SLC9A9: variants seen among roughly 807,000 people sequenced by gnomAD.
SLC9A9 encodes solute carrier family 9 member A9, also known as sodium/hydrogen exchanger 9.
A neutral mutation model predicts 77.8 loss-of-function variants in SLC9A9; 62 were observed. The observed-to-expected ratio is 0.80, with a 90% confidence interval of 0.65 to 0.98. SLC9A9 has a LOEUF of 0.98. SLC9A9 is among the 50% of genes least tolerant of loss of function. SLC9A9 has a pLI of 0.00. For synonymous variants in SLC9A9, 320 were observed against 283.5 expected (o/e 1.13, Z -1.29); for missense variants, 775 against 774.9 (o/e 1.00, Z 0.00).
rs370086208 is a variant in SLC9A9 at position 143,406,844 on chromosome 3, C to T, written c.1470-24730G>A. Among the ~76,000 whole-genome samples, 13 of 151,900 alleles carry T rather than the reference C, an allele frequency of 8.6e-5. No homozygotes were observed. The South Asian group carries it at 1.5e-3, about 17-fold the overall frequency. On this transcript the variant is annotated intron_variant, in intron 12 of 15. Transcript: ENST00000316549. ...CACAAAAGTTAGCCAGGCATGGTGG[C>T]GCATGCCTGTAACCCCAGCTACTTG...
At chr3:143,486,678 T>A (rs1229293357) in intron 11 of SLC9A9, among the ~76,000 whole-genome samples, 5 of 152,074 alleles carry the variant, frequency 3.3e-5, no homozygotes. Context: ...AGAGTTATTG[T>A]ATGTTTTTCA....
chr3:143,649,656 A>C (rs562205535), intron 6 of SLC9A9, among the ~76,000 whole-genome samples: 1 of 152,346 alleles, frequency 6.6e-6, no homozygotes, highest in East Asian at 1.9e-4. Flanking sequence ...AAGTGTAAAA[A>C]TACTAAAACT....
At chr3:143,552,550 G>A in intron 8 of SLC9A9, 100 bp from the exon 9 acceptor site, 2 of 932,136 alleles carry the variant, frequency 2.1e-6, no homozygotes, top group Non-Finnish European at 3.4e-6. Flanking sequence ...GGTGTCAGTA[G>A]AGTTAAAACT....
intron 12 of SLC9A9, among the ~76,000 whole-genome samples, chr3:143,466,103 G>C (rs1468482239): frequency 6.6e-6 from 1 of 152,146 alleles, no homozygotes; most frequent in Non-Finnish European, 1.5e-5. Context: ...CACTATACTA[G>C]GTGCTGTAAT....
chr3:143,509,972 T>G (rs1365247677), intron 9 of SLC9A9, among the ~76,000 whole-genome samples: 1 of 152,192 alleles, frequency 6.6e-6, no homozygotes, highest in Non-Finnish European at 1.5e-5. Context: ...TTCCACCACA[T>G]GAATTTTATG....
chr3:143,575,663 T>G (rs1379506939), intron 7 of SLC9A9, among the ~76,000 whole-genome samples: 1 of 152,210 alleles, frequency 6.6e-6, no homozygotes, highest in Non-Finnish European at 1.5e-5. Flanking sequence ...TAGTGAGGTC[T>G]GTTCTCCTGA....
intron 4 of SLC9A9, among the ~76,000 whole-genome samples, chr3:143,746,291 C>T (rs1013662224): frequency 1.3e-5 from 2 of 152,182 alleles, no homozygotes; most frequent in African/African-American, 4.8e-5. Context: ...GAAAGGCCGG[C>T]AGTTCATTTA....
At chr3:143,606,436 C>CTCTCTATATATATA (rs1419410834) in intron 6 of SLC9A9, among the ~76,000 whole-genome samples, 201 of 54,170 alleles carry the variant, frequency 3.7e-3, no homozygotes, top group East Asian at 4.4e-3. Context: ...CTCTCTCTCT[C>CTCTCTATATATATA]TATATATATA....
chr3:143,455,161 T>C (rs1326950067), intron 12 of SLC9A9, among the ~76,000 whole-genome samples: 2 of 152,210 alleles, frequency 1.3e-5, no homozygotes, highest in Non-Finnish European at 2.9e-5. Flanking sequence ...TCTAATACCA[T>C]TTGCTGAAAA....
At chr3:143,720,534 T>C (rs76817677) in intron 4 of SLC9A9, among the ~76,000 whole-genome samples, 5,224 of 152,260 alleles carry the variant, frequency 0.034, 291 homozygotes, top group African/African-American at 0.12. Flanking sequence ...TTTCATTCCA[T>C]CCAGGTGTAC....
At position 143,693,201 on chromosome 3, in the gene SLC9A9, T is replaced by G; in HGVS notation, c.640A>C (p.Thr214Pro). The G allele has an allele frequency of 6.2e-7, 1 of 1,611,758 alleles. No individual in the cohort carries two copies. Among genetic ancestry groups the G allele is most frequent in the Non-Finnish European group, 8.5e-7 (1 of 1,178,226 alleles). ...TTATTTGAGCAATTACCTGGATCTGTAGCAGACATCAGTGAACCAAAAAAT... is the reference window on the plus strand; with the variant it reads ...TTATTTGAGCAATTACCTGGATCTGGAGCAGACATCAGTGAACCAAAAAAT... ...CLFFGSLMSA[T>P]DPVTVLAIFH... The change falls in exon 5 of 16, where the codon ACA becomes CCA. Residue 214 changes from threonine to proline, a missense_variant. By Grantham distance (38) the Thr-to-Pro change is conservative. Transcript: ENST00000316549.
chr3:143,320,372 G>A (rs1291881768), intron 14 of SLC9A9, among the ~76,000 whole-genome samples: 1 of 152,208 alleles, frequency 6.6e-6, no homozygotes, highest in Non-Finnish European at 1.5e-5. Flanking sequence ...GTTGAATTAT[G>A]TGTTAGTCTT....
chr3:143,367,263 T>C (rs894854832), intron 13 of SLC9A9, among the ~76,000 whole-genome samples: 2 of 152,214 alleles, frequency 1.3e-5, no homozygotes, highest in African/African-American at 4.8e-5. Context: ...CTTCATTTCA[T>C]GTGGGTGACT....
At chr3:143,785,858 T>C (rs866287939) in intron 4 of SLC9A9, among the ~76,000 whole-genome samples, 31,725 of 133,436 alleles carry the variant, frequency 0.24, 4,846 homozygotes, top group African/African-American at 0.4. Flanking sequence ...TTTTTTTTTT[T>C]TTTTTTTTTT....
At chr3:143,392,035 T>C (rs2033581969) in intron 12 of SLC9A9, among the ~76,000 whole-genome samples, 1 of 152,134 alleles carries the variant, frequency 6.6e-6, no homozygotes, top group African/African-American at 2.4e-5. Flanking sequence ...CTGCAGGATA[T>C]TATCCAGGAG....
At chr3:143,697,699 C>CACAA (rs1034641460) in intron 4 of SLC9A9, among the ~76,000 whole-genome samples, 1 of 151,348 alleles carries the variant, frequency 6.6e-6, no homozygotes, top group African/African-American at 2.4e-5. Flanking sequence ...TACACACACA[C>CACAA]ACACACACAC....
At chr3:143,718,781 A>T (rs1159221555) in intron 4 of SLC9A9, among the ~76,000 whole-genome samples, 1 of 152,176 alleles carries the variant, frequency 6.6e-6, no homozygotes, top group African/African-American at 2.4e-5. Flanking sequence ...AAAAATTATC[A>T]GTCATGAATT....
chr3:143,812,353 T>C (rs1434497040), intron 2 of SLC9A9, among the ~76,000 whole-genome samples: 1 of 152,188 alleles, frequency 6.6e-6, no homozygotes, highest in Admixed American at 6.5e-5. Context: ...TTGAGGATGA[T>C]TGGACCATGG....
intron 9 of SLC9A9, chr3:143,503,951 C>T: frequency 2.7e-6 from 1 of 376,898 alleles, no homozygotes; most frequent in Admixed American, 3.2e-5. Flanking sequence ...TGAGCCTCAG[C>T]CTTCTCCATG....
Sources: allele counts gnomAD v4.1 joint callset (sites outside exome capture counted in the v4.1 genomes callset), GRCh38; gene constraint gnomAD v4.1.1; transcripts MANE v1.5; gene names NCBI Gene and HGNC (gene_info 2026-07-23, HGNC 2026-07-21).